SVEP1: variants seen among roughly 807,000 people sequenced by gnomAD.
SVEP1 encodes the protein sushi, von Willebrand factor type A, EGF and pentraxin domain containing 1, also known as sushi, von Willebrand factor type A, EGF and pentraxin domain-containing protein 1.
In SVEP1, 164 loss-of-function variants were observed where a neutral mutation model predicts 367.3. The ratio of observed to expected loss-of-function variants is 0.45; its 90% confidence interval spans 0.39 to 0.51. SVEP1 has a LOEUF of 0.51. Among genes scored for constraint, SVEP1 ranks in the 20% least tolerant of loss-of-function variants. SVEP1 has a pLI of 0.00. For synonymous variants in SVEP1, 1,666 were observed against 1,611.6 expected (o/e 1.03, Z -0.81); for missense variants, 4,117 against 4,425.3 (o/e 0.93, Z 1.98).
rs1829093978 is a variant in SVEP1, at chr9:110,476,175, C to T, written c.2599+29G>A. 3.5e-6 allele frequency: 5 copies of T among 1,426,292 alleles called. No individual in the cohort carries two copies. The African/African-American group carries it at 7.0e-5, about 20-fold the overall frequency. 88.4% of individuals were successfully genotyped at this position (1,426,292 alleles called of 1,614,324 possible). A position where few individuals can be genotyped will look rare whatever the true frequency, so the allele number is the denominator to read the frequency against. ...TTCTTATTTTGCAGATTAGTCTTGC[C>T]AACTACCGATGCCACAGAATTTAAT... is the stretch of plus-strand genomic sequence containing the variant. On this transcript the variant is annotated intron_variant, in intron 14 of 47. Coordinates refer to ENST00000374469, the MANE Select transcript of SVEP1 (RefSeq NM_153366.4).
chr9:110,522,236 T>C (rs1434485876), intron 3 of SVEP1, among the ~76,000 whole-genome samples: 1 of 152,192 alleles, frequency 6.6e-6, no homozygotes, highest in East Asian at 1.9e-4. Context: ...CAGACTTGTG[T>C]AGGCCCAACA....
chr9:110,566,434 T>C (rs922466065), intron 1 of SVEP1, among the ~76,000 whole-genome samples: 3 of 152,176 alleles, frequency 2.0e-5, no homozygotes, highest in Non-Finnish European at 4.4e-5. Flanking sequence ...GGTAAAGTGC[T>C]TACAGTGGTG....
At chr9:110,465,727 A>T in intron 18 of SVEP1, 138 bp downstream of exon 18, 1 of 1,169,188 alleles carries the variant, frequency 8.6e-7, no homozygotes, top group Non-Finnish European at 1.2e-6. Context: ...AAACAAACAA[A>T]AAAACCTCTT....
intron 46 of SVEP1, among the ~76,000 whole-genome samples, chr9:110,370,793 AAGG>A (rs1317311629): frequency 4.6e-5 from 7 of 152,234 alleles, no homozygotes; most frequent in African/African-American, 1.7e-4. Flanking sequence ...ATCAAAGAGA[AAGG>A]AGAACTCCCT....
chr9:110,385,307 A>G (rs1361794901), intron 43 of SVEP1, among the ~76,000 whole-genome samples: 1 of 152,220 alleles, frequency 6.6e-6, no homozygotes, highest in African/African-American at 2.4e-5. Flanking sequence ...AAATGGAGTT[A>G]AAAAGTGTGC....
At position 110,404,507 on chromosome 9, in the gene SVEP1, G is replaced by A. The variant is rs776890818; in HGVS notation, c.9486C>T (p.Thr3162=). Residue 3162 remains threonine, a synonymous_variant, in exon 39 of 48, where the codon ACC becomes ACT. Coordinates refer to ENST00000374469, the MANE Select transcript of SVEP1 (RefSeq NM_153366.4). ...GGAACCAGCGACCATCTTTCTGACA[G>A]GTGAATGTATCTGTATCTGTATCCA... The part of the protein sequence containing the change: ...YTMDTDTDTF[T]CQKDGRWFPE... The A allele has an allele frequency of 1.2e-5, 20 of 1,613,826 alleles. No individual in the cohort carries two copies. In the African/African-American group the frequency reaches 1.5e-4, roughly 12 times the overall value.
chr9:110,504,220 AT>A (rs35561615), intron 5 of SVEP1, among the ~76,000 whole-genome samples: 21 of 146,968 alleles, frequency 1.4e-4, no homozygotes, highest in African/African-American at 2.2e-4. Context: ...ACGCCCGGCT[AT>A]TTTTTTTTTT....
intron 43 of SVEP1, among the ~76,000 whole-genome samples, chr9:110,380,804 T>A (rs938743495): frequency 1.3e-5 from 2 of 152,232 alleles, no homozygotes; most frequent in African/African-American, 4.8e-5. Flanking sequence ...AATTCAGCTA[T>A]AAATCTGTCT....
rs1191675614 is a variant in SVEP1 at position 110,386,033 on chromosome 9, G to A, written c.10102C>T (p.Leu3368=). ...ACATAAAACTCCTTTTCAGACAGCA[G>A]AGCATTCTCGGGAATCACAAAAGGA... ...PVPFVIPENA[L]LSEKEFYVDQ... is the part of the protein sequence containing the mutation. Residue 3368 remains leucine, a synonymous_variant, in exon 43 of 48, where the codon CTG becomes TTG. Transcript: ENST00000374469. The A allele has an allele frequency of 1.9e-6, 3 of 1,613,642 alleles. No individual in the cohort carries two copies. The highest frequency in any genetic ancestry group is 1.3e-5 in the African/African-American group (1 of 74,894).
At chr9:110,490,470 C>G (rs1829351428) in intron 8 of SVEP1, among the ~76,000 whole-genome samples, 1 of 152,140 alleles carries the variant, frequency 6.6e-6, no homozygotes, top group Admixed American at 6.6e-5. Context: ...TAATTCTCTT[C>G]TCTTATCTCT....
Position 110,406,526 on chromosome 9 carries a change from CCA to C in SVEP1, c.9072_9073del (p.Cys3024TrpfsTer19). ...GAAGCACTGAATCCGGGCTGCCTTT[CCA>C]CAGTCAAAATCTGTCCCATTGACAG... On this transcript the variant is annotated frameshift_variant, in exon 38 of 48. Transcript: ENST00000374469. LOFTEE classifies it high-confidence loss of function. 1 of 1,613,674 alleles carries C rather than the reference CCA, an allele frequency of 6.2e-7. No homozygotes were observed. The highest frequency in any genetic ancestry group is 8.5e-7 in the Non-Finnish European group (1 of 1,179,798).
rs562246768 is a variant in SVEP1 at position 110,542,747 on chromosome 9, C to A, written c.964+3368G>T. 4.9e-5 allele frequency among the ~76,000 whole-genome samples: 7 copies of A among 141,472 alleles called. No individual in the cohort carries two copies. In the South Asian group the frequency reaches 1.5e-3, roughly 31 times the overall value. 92.8% of individuals were successfully genotyped at this position (141,472 alleles called of 152,430 possible). Reference sequence around the variant, plus strand: ...GAGAACATCCTCAACATTTATTTACCAAATGGATTTTAAAGGGGCTCACTG... The same window carrying A: ...GAGAACATCCTCAACATTTATTTACAAAATGGATTTTAAAGGGGCTCACTG... On this transcript the variant is annotated intron_variant, in intron 3 of 47. Coordinates refer to ENST00000374469, the MANE Select transcript of SVEP1 (RefSeq NM_153366.4).
At chr9:110,564,588 T>TA (rs1333165971) in intron 1 of SVEP1, among the ~76,000 whole-genome samples, 4 of 152,146 alleles carry the variant, frequency 2.6e-5, no homozygotes, top group African/African-American at 4.8e-5. Context: ...CTTAAATTCA[T>TA]AAAAAAACAC....
intron 5 of SVEP1, among the ~76,000 whole-genome samples, chr9:110,510,940 C>T (rs1829701167): frequency 3.3e-5 from 5 of 152,208 alleles, no homozygotes; most frequent in Admixed American, 3.3e-4. Context: ...TGCCTTCACA[C>T]ATGAACAGTA....
chr9:110,390,019 G>GTT (rs1827605088), intron 40 of SVEP1, among the ~76,000 whole-genome samples: 2 of 108,532 alleles, frequency 1.8e-5, no homozygotes, highest in African/African-American at 5.8e-5. Context: ...ATAAGTGTGT[G>GTT]TGTGTGTGTA....
At chr9:110,469,497 C>G (rs190424580) in intron 16 of SVEP1, among the ~76,000 whole-genome samples, 1 of 152,160 alleles carries the variant, frequency 6.6e-6, no homozygotes, top group African/African-American at 2.4e-5. Context: ...CAAACATTTT[C>G]TTAGTTGTTT....
chr9:110,525,806 C>T (rs1176229972), intron 3 of SVEP1, among the ~76,000 whole-genome samples: 1 of 151,490 alleles, frequency 6.6e-6, no homozygotes, highest in Admixed American at 6.6e-5. Flanking sequence ...ACTTTAAGTT[C>T]TGGGATACAT....
At position 110,430,293 on chromosome 9, in the gene SVEP1, A is replaced by G; in HGVS notation, c.5511T>C (p.His1837=). The G allele has an allele frequency of 6.2e-7, 1 of 1,612,868 alleles. No homozygotes were observed. The highest frequency in any genetic ancestry group is 8.5e-7 in the Non-Finnish European group (1 of 1,179,394). ...ITCLESGEWN[H]LIPYCKAVSC... Reference sequence around the variant, plus strand: ...ACATACCTTTACAATATGGTATTAGATGATTCCATTCTCCAGACTCCAAAC... The same window carrying G: ...ACATACCTTTACAATATGGTATTAGGTGATTCCATTCTCCAGACTCCAAAC... The change falls in exon 33 of 48, where the codon CAT becomes CAC. Residue 1837 remains histidine (H), a synonymous_variant. Transcript: ENST00000374469.
intron 3 of SVEP1, among the ~76,000 whole-genome samples, chr9:110,522,187 G>T (rs947793718): frequency 1.3e-5 from 2 of 152,116 alleles, no homozygotes; most frequent in Non-Finnish European, 2.9e-5. Flanking sequence ...TTGCAACAGG[G>T]TTTCAACTTG....
Sources: allele counts gnomAD v4.1 joint callset (sites outside exome capture counted in the v4.1 genomes callset), GRCh38; gene constraint gnomAD v4.1.1; transcripts MANE v1.5; gene names NCBI Gene and HGNC (gene_info 2026-07-23, HGNC 2026-07-21).